Variants in GPC6 observed in about 807,000 individuals in gnomAD.
GPC6 encodes the protein glypican 6, also known as glypican-6.
A neutral mutation model predicts 55.2 loss-of-function variants in GPC6; 14 were observed. The ratio of observed to expected loss-of-function variants is 0.25; its 90% CI spans 0.17 to 0.40. The LOEUF is 0.40. Among genes scored for constraint, GPC6 ranks in the 10% least tolerant of loss-of-function variants. The pLI is 1.00. For synonymous variants in GPC6, 278 were observed against 259.6 expected (o/e 1.07, Z -0.68); for missense variants, 641 against 708.5 (o/e 0.90, Z 1.08).
intron 2 of GPC6, among the ~76,000 whole-genome samples, chr13:93,785,790 A>G (rs1942042181): frequency 6.6e-6 from 1 of 151,966 alleles, no homozygotes. Flanking sequence ...GCAAGACCCC[A>G]TCTCTACAAA....
intron 4 of GPC6, among the ~76,000 whole-genome samples, chr13:94,094,032 A>G (rs1245693044): frequency 6.7e-6 from 1 of 148,624 alleles, no homozygotes; most frequent in Non-Finnish European, 1.5e-5. Flanking sequence ...CTTAAGGAAA[A>G]TAAATTCAGC....
At chr13:94,007,194 C>G (rs941638385) in intron 3 of GPC6, among the ~76,000 whole-genome samples, 2 of 152,290 alleles carry the variant, frequency 1.3e-5, no homozygotes, top group East Asian at 3.9e-4. Flanking sequence ...GAAGTTCCTC[C>G]CCTGGCTTTC....
At chr13:93,715,212 G>A (rs1883209162) in intron 2 of GPC6, among the ~76,000 whole-genome samples, 1 of 151,578 alleles carries the variant, frequency 6.6e-6, no homozygotes, top group South Asian at 2.1e-4. Flanking sequence ...AGTCAACTTA[G>A]ATGCCCATCA....
intron 2 of GPC6, among the ~76,000 whole-genome samples, chr13:93,801,549 A>T (rs1007696800): frequency 1.2e-4 from 18 of 152,304 alleles, no homozygotes; most frequent in Admixed American, 2.0e-4. Flanking sequence ...GGGACATTTC[A>T]GTGCCTGGCT....
At chr13:93,423,974 C>G (rs1355979206) in intron 1 of GPC6, among the ~76,000 whole-genome samples, 1 of 152,036 alleles carries the variant, frequency 6.6e-6, no homozygotes, top group Non-Finnish European at 1.5e-5. Flanking sequence ...TGGAAATCTG[C>G]TCCTACCCTC....
chr13:93,772,526 G>A (rs12875095), intron 2 of GPC6, among the ~76,000 whole-genome samples: 1,935 of 152,078 alleles, frequency 0.013, 24 homozygotes, highest in Non-Finnish European at 0.021. Flanking sequence ...ATCATTGAGA[G>A]GAAGAGTTTT....
chr13:94,121,287 G>A (rs1283547329), intron 4 of GPC6, among the ~76,000 whole-genome samples: 4 of 152,038 alleles, frequency 2.6e-5, no homozygotes, highest in Non-Finnish European at 5.9e-5. Flanking sequence ...AGAAGCACAG[G>A]AATAAAGACG....
intron 2 of GPC6, among the ~76,000 whole-genome samples, chr13:93,618,783 G>A (rs971419412): frequency 2.7e-4 from 41 of 152,210 alleles, no homozygotes; most frequent in African/African-American, 9.4e-4. Flanking sequence ...AGGTATACAA[G>A]GATTTATATG....
At chr13:93,841,785 G>T (rs904417221) in intron 3 of GPC6, among the ~76,000 whole-genome samples, 3 of 152,196 alleles carry the variant, frequency 2.0e-5, no homozygotes, top group African/African-American at 7.2e-5. Flanking sequence ...ATACTGAACA[G>T]AGAGCAGTGG....
intron 3 of GPC6, among the ~76,000 whole-genome samples, chr13:93,992,284 T>C (rs1399197647): frequency 6.6e-6 from 1 of 151,930 alleles, no homozygotes; most frequent in Non-Finnish European, 1.5e-5. Flanking sequence ...TATTTTTGTA[T>C]TTAAGATAAT....
chr13:94,328,444 G>A (rs1186864447), intron 6 of GPC6, among the ~76,000 whole-genome samples: 1 of 152,218 alleles, frequency 6.6e-6, no homozygotes. Flanking sequence ...CCAGTGGAGA[G>A]AGGGAAAAGC....
At chr13:94,385,298 A>G (rs1880354421) in intron 7 of GPC6, among the ~76,000 whole-genome samples, 1 of 152,104 alleles carries the variant, frequency 6.6e-6, no homozygotes, top group African/African-American at 2.4e-5. Context: ...GACTGGGGTG[A>G]GCCCAGTGAA....
chr13:93,664,037 A>C (rs1277686870), intron 2 of GPC6, among the ~76,000 whole-genome samples: 1 of 152,220 alleles, frequency 6.6e-6, no homozygotes, highest in African/African-American at 2.4e-5. Context: ...TAATGTTAGA[A>C]TAATACTGAC....
chr13:93,673,849 G>A (rs1434148279), intron 2 of GPC6, among the ~76,000 whole-genome samples: 1 of 152,094 alleles, frequency 6.6e-6, no homozygotes, highest in East Asian at 1.9e-4. Flanking sequence ...AACTTTGTTT[G>A]CCTCACACAT....
Position 93,565,939 on chromosome 13 carries a change from A to T in GPC6, c.319+20518A>T, listed in dbSNP as rs1019036378. 1.3e-4 allele frequency among the ~76,000 whole-genome samples: 19 copies of T among 143,568 alleles called. No individual in the cohort carries two copies. In the South Asian group the frequency reaches 2.3e-3, roughly 17 times the overall value. The allele number at this position is 143,568 out of a possible 152,430, so 94.2% of individuals were successfully genotyped here. On this transcript the variant is annotated intron_variant, in intron 2 of 8. Transcript: ENST00000377047. ...TCTGTCTCAAAACAAACAAACAAAA[A>T]AAAAAAAGAAAAAAAAAACACATCT...
At chr13:93,493,931 C>G (rs1297244255) in intron 1 of GPC6, among the ~76,000 whole-genome samples, 2 of 111,520 alleles carry the variant, frequency 1.8e-5, no homozygotes, top group Non-Finnish European at 3.9e-5. Flanking sequence ...CTGAGGAGTG[C>G]TTTACTTCCA....
intron 4 of GPC6, among the ~76,000 whole-genome samples, chr13:94,128,838 T>C (rs895442231): frequency 1.3e-5 from 2 of 152,178 alleles, no homozygotes; most frequent in Admixed American, 6.6e-5. Flanking sequence ...GAATCACAAA[T>C]GTGTCAAACA....
chr13:94,135,376 A>G (rs1222573185), intron 4 of GPC6, among the ~76,000 whole-genome samples: 1 of 152,234 alleles, frequency 6.6e-6, no homozygotes, highest in Admixed American at 6.5e-5. Flanking sequence ...GTTACTTTAA[A>G]TAATTGTCCA....
intron 1 of GPC6, among the ~76,000 whole-genome samples, chr13:93,326,456 G>GCACACGCACACA (rs1555291052): frequency 2.4e-4 from 36 of 151,436 alleles, no homozygotes; most frequent in African/African-American, 7.5e-4. Flanking sequence ...ACACGCACAC[G>GCACACGCACACA]CACACACACA....
Sources: allele counts gnomAD v4.1 joint callset (sites outside exome capture counted in the v4.1 genomes callset), GRCh38; gene constraint gnomAD v4.1.1; transcripts MANE v1.5; gene names NCBI Gene and HGNC (gene_info 2026-07-23, HGNC 2026-07-21).